BLK: variants seen among roughly 807,000 people sequenced by gnomAD.
BLK encodes tyrosine-protein kinase Blk.
In BLK, 64 loss-of-function variants were observed where a neutral mutation model predicts 61.8. The observed-to-expected ratio is 1.03, with a 90% CI of 0.85 to 1.27. The LOEUF is 1.27. Among genes scored for constraint, BLK ranks in the 50% most tolerant of loss-of-function variants. BLK has a pLI of 0.00. For missense variants in BLK, 853 were observed against 660.5 expected (o/e 1.29, Z -3.19); for synonymous variants, 351 against 272.0 (o/e 1.29, Z -2.86).
At chr8:11,541,203 G>C (rs2117435607) in intron 1 of BLK, among the ~76,000 whole-genome samples, 1 of 152,302 alleles carries the variant, frequency 6.6e-6, no homozygotes, top group Non-Finnish European at 1.5e-5. Flanking sequence ...GGGAGGCAGA[G>C]GTTGCAGTGA....
At chr8:11,556,888 C>T (rs370144674) in intron 9 of BLK, 51 bp downstream of exon 9, 3 of 1,505,676 alleles carry the variant, frequency 2.0e-6, no homozygotes, top group Middle Eastern at 2.0e-4. Flanking sequence ...GAGGGCCGGG[C>T]TTAGCAGGAG....
chr8:11,557,470 C>A (rs763347350), intron 9 of BLK, among the ~76,000 whole-genome samples: 2 of 152,222 alleles, frequency 1.3e-5, no homozygotes, highest in Non-Finnish European at 2.9e-5. Context: ...ATCCATCCCT[C>A]CCAGCTTTCT....
intron 1 of BLK, among the ~76,000 whole-genome samples, chr8:11,533,605 A>AAGGAGGAGG (rs1563100821): frequency 1.8e-5 from 2 of 113,116 alleles, no homozygotes; most frequent in African/African-American, 3.2e-5. Flanking sequence ...GGAGGAGGAG[A>AAGGAGGAGG]AGGAGGAGGA....
rs148050288 is a variant in BLK, at chr8:11,527,919, C to T, written c.-1-15305C>T. On this transcript the variant is annotated intron_variant, in intron 1 of 12. Transcript: ENST00000259089. ...TAAGGGATTACAGAAATTATGCCTA[C>T]ATTTTAGCAGAATTCAGGTCCCCCC... Among the ~76,000 whole-genome samples, 196 of 152,250 alleles carry T rather than the reference C, an allele frequency of 1.3e-3. 1 individual carries two copies. Among genetic ancestry groups the T allele is most frequent in the African/African-American group, 4.3e-3 (178 of 41,544 alleles).
chr8:11,560,276 T>A (rs1241796164), intron 10 of BLK: 2 of 199,526 alleles, frequency 1.0e-5, no homozygotes, highest in Non-Finnish European at 2.0e-5. Context: ...GGTGGATGGA[T>A]GGATGGATCC....
rs1035940470 is a variant in BLK, at chr8:11,524,346, T to C, written c.-1-18878T>C. Among the ~76,000 whole-genome samples the C allele has an allele frequency of 2.0e-5, 3 of 152,332 alleles. 1 individual carries two copies. The highest frequency in any genetic ancestry group is 2.0e-4 in the Admixed American group (3 of 15,302). On this transcript the variant is annotated intron_variant, in intron 1 of 12. Transcript: ENST00000259089. The stretch of plus-strand genomic sequence containing the variant: ...CGATTTTCCATTGGTGGTAGGGTTG[T>C]AACTGATTTTTTTTCCTTTGCGTAG...
chr8:11,559,442 C>A (rs1403770232), intron 10 of BLK, among the ~76,000 whole-genome samples: 1 of 151,650 alleles, frequency 6.6e-6, no homozygotes, highest in African/African-American at 2.4e-5. Flanking sequence ...CTCACACAGA[C>A]ACACAAATAC....
chr8:11,495,722 T>A (rs1462687740), intron 1 of BLK, among the ~76,000 whole-genome samples: 1 of 152,184 alleles, frequency 6.6e-6, no homozygotes, highest in Admixed American at 6.5e-5. Flanking sequence ...AGAATTCGCA[T>A]CCTGTATTGG....
At chr8:11,538,840 G>T (rs1311861080) in intron 1 of BLK, among the ~76,000 whole-genome samples, 1 of 152,190 alleles carries the variant, frequency 6.6e-6, no homozygotes, top group Non-Finnish European at 1.5e-5. Flanking sequence ...CTGCAGGCTG[G>T]CCCTGGCTCC....
At chr8:11,547,549 C>T (rs1800701764) in intron 3 of BLK, among the ~76,000 whole-genome samples, 1 of 152,200 alleles carries the variant, frequency 6.6e-6, no homozygotes, top group South Asian at 2.1e-4. Flanking sequence ...GGGCTCTGGG[C>T]ACAGACAGTG....
rs188486162 is a variant in BLK at position 11,511,032 on chromosome 8, G to A, written c.-2+16441G>A. Reference sequence around the variant, plus strand: ...GAGTCAGACTGACACACAAATATTTGTGGTTAGTTAATTGTTCTTTCCTGC... The same window carrying A: ...GAGTCAGACTGACACACAAATATTTATGGTTAGTTAATTGTTCTTTCCTGC... On this transcript the variant is annotated intron_variant, in intron 1 of 12. Transcript: ENST00000259089. 5.0e-3 allele frequency among the ~76,000 whole-genome samples: 759 copies of A among 152,316 alleles called. 8 individuals are homozygous for A. The highest frequency in any genetic ancestry group is 0.017 in the African/African-American group (699 of 41,570).
intron 6 of BLK, 106 bp from the exon 7 acceptor site, chr8:11,554,637 C>G: frequency 1.2e-5 from 17 of 1,382,324 alleles, no homozygotes; most frequent in Non-Finnish European, 1.7e-5. Context: ...TAATGAAGAA[C>G]AGAATTGGGG....
intron 6 of BLK, chr8:11,553,087 T>C (rs1021962056): frequency 1.7e-5 from 3 of 180,052 alleles, no homozygotes; most frequent in East Asian, 3.1e-4. Flanking sequence ...GCAACACATG[T>C]ACACACCTTA....
At chr8:11,496,500 C>G (rs1188838495) in intron 1 of BLK, among the ~76,000 whole-genome samples, 4 of 152,242 alleles carry the variant, frequency 2.6e-5, no homozygotes, top group Non-Finnish European at 5.9e-5. Flanking sequence ...ACTTTGGCCT[C>G]CCACAGTGCT....
chr8:11,549,971 C>T (rs1800824064), intron 5 of BLK, 188 bp from the exon 6 acceptor site: 5 of 654,648 alleles, frequency 7.6e-6, no homozygotes, highest in Admixed American at 2.1e-5. Context: ...GGAAGCGGAA[C>T]TGGAAGGGCA....
rs202149014 is a variant in BLK, at chr8:11,550,226, G to A, written c.436G>A (p.Gly146Ser). 5.3e-5 allele frequency: 85 copies of A among 1,613,956 alleles called. No homozygotes were observed. The highest frequency in any genetic ancestry group is 5.7e-5 in the Non-Finnish European group (67 of 1,180,022). The change falls in exon 6 of 13, where the codon GGC becomes AGC. Residue 146 changes from glycine to serine, a missense_variant. By Grantham distance (56) the Gly-to-Ser change is moderately conservative. Coordinates refer to ENST00000259089, the MANE Select transcript of BLK (RefSeq NM_001715.3). ...GCTTCTTGCTCCAATCAACAAGGCCGGCTCCTTTCTTATCAGAGAGAGTGA... is the reference window on the plus strand; with the variant it reads ...GCTTCTTGCTCCAATCAACAAGGCCAGCTCCTTTCTTATCAGAGAGAGTGA... Reference protein sequence around the residue: ...RQLLAPINKAGSFLIRESETN... With the variant: ...RQLLAPINKASSFLIRESETN...
At chr8:11,548,701 C>T (rs1003066308) in intron 4 of BLK, among the ~76,000 whole-genome samples, 4 of 152,228 alleles carry the variant, frequency 2.6e-5, no homozygotes, top group African/African-American at 9.6e-5. Context: ...CAGTCCACGC[C>T]AACCGTGTTT....
Position 11,543,208 on chromosome 8 carries a change from T to C in BLK, c.-1-16T>C, listed in dbSNP as rs776698707. The C allele has an allele frequency of 1.2e-6, 2 of 1,613,664 alleles. No homozygotes were observed. Among genetic ancestry groups the C allele is most frequent in the South Asian group, 1.1e-5 (1 of 91,072 alleles). On this transcript the variant is annotated splice_polypyrimidine_tract_variant and intron_variant, in intron 1 of 12. Coordinates refer to ENST00000259089, the MANE Select transcript of BLK (RefSeq NM_001715.3). The stretch of plus-strand genomic sequence containing the variant: ...CCGCTCTCTCATGTCCTCTGTCTGC[T>C]GTGTGTCTCCGACAGGATGGGGCTG...
At position 11,561,826 on chromosome 8, in the gene BLK, A is replaced by ATT. The variant is rs71203399; in HGVS notation, c.1180+387_1180+388dup. Among the ~76,000 whole-genome samples the ATT allele has an allele frequency of 1.5e-3, 221 of 146,170 alleles. 3 individuals are homozygous for ATT. The highest frequency in any genetic ancestry group is 5.3e-3 in the South Asian group (24 of 4,570). ...CAAACTAATTTGAGCTCCAAATACT[A>ATT]TTTTTTTTTTTTTTGAGATGGAGTC... On this transcript the variant is annotated intron_variant, in intron 11 of 12. Coordinates refer to ENST00000259089, the MANE Select transcript of BLK (RefSeq NM_001715.3).
Sources: allele counts gnomAD v4.1 joint callset (sites outside exome capture counted in the v4.1 genomes callset), GRCh38; gene constraint gnomAD v4.1.1; transcripts MANE v1.5; gene names NCBI Gene and HGNC (gene_info 2026-07-23, HGNC 2026-07-21).